Variants in NRG3 observed in about 807,000 individuals in gnomAD.
NRG3 encodes neuregulin 3, also known as pro-neuregulin-3, membrane-bound isoform.
A neutral mutation model predicts 66.9 loss-of-function variants in NRG3; 31 were observed. That is an observed-to-expected ratio of 0.46 (90% confidence interval 0.35 to 0.63). NRG3 has a LOEUF of 0.63. Ranked by LOEUF, NRG3 falls within the 20% of genes least tolerant of loss-of-function variation. NRG3 has a pLI of 0.00. For missense variants in NRG3, 910 were observed against 878.9 expected (o/e 1.04, Z -0.45); for synonymous variants, 393 against 359.4 (o/e 1.09, Z -1.06).
intron 1 of NRG3, among the ~76,000 whole-genome samples, chr10:82,290,122 C>T (rs2079641722): frequency 1.3e-5 from 2 of 152,202 alleles, no homozygotes; most frequent in African/African-American, 2.4e-5. Flanking sequence ...ATTCCTGCTG[C>T]ACCGTCATCC....
intron 1 of NRG3, among the ~76,000 whole-genome samples, chr10:82,094,078 A>G (rs2066193675): frequency 1.3e-5 from 2 of 152,362 alleles, no homozygotes; most frequent in South Asian, 4.1e-4. Context: ...TTTATTGACA[A>G]TGAAACCTTT....
At chr10:82,827,673 A>T (rs751752668) in intron 3 of NRG3, among the ~76,000 whole-genome samples, 1 of 152,180 alleles carries the variant, frequency 6.6e-6, no homozygotes, top group African/African-American at 2.4e-5. Context: ...TTCATAAATC[A>T]ATTTGACCTT....
At chr10:82,796,252 AT>A (rs986243943) in intron 3 of NRG3, among the ~76,000 whole-genome samples, 1 of 152,154 alleles carries the variant, frequency 6.6e-6, no homozygotes, top group African/African-American at 2.4e-5. Flanking sequence ...ACACAACTAG[AT>A]TAGAGAGTAT....
chr10:82,620,776 C>G (rs562442423), intron 2 of NRG3, among the ~76,000 whole-genome samples: 4 of 152,214 alleles, frequency 2.6e-5, no homozygotes, highest in Admixed American at 6.5e-5. Context: ...GACTCACCCA[C>G]CCCTGTCTGC....
chr10:82,483,519 G>C (rs1842450786), intron 2 of NRG3, among the ~76,000 whole-genome samples: 1 of 152,208 alleles, frequency 6.6e-6, no homozygotes, highest in South Asian at 2.1e-4. Context: ...ATGATGTAAA[G>C]TAGGCAATGC....
chr10:82,893,372 A>G (rs1478087805), intron 4 of NRG3, among the ~76,000 whole-genome samples: 1 of 152,218 alleles, frequency 6.6e-6, no homozygotes, highest in East Asian at 1.9e-4. Flanking sequence ...AGTAATGATA[A>G]TGGAAATTAG....
chr10:82,297,370 T>C (rs2080130353), intron 1 of NRG3, among the ~76,000 whole-genome samples: 1 of 152,172 alleles, frequency 6.6e-6, no homozygotes, highest in African/African-American at 2.4e-5. Context: ...TGAGAATACA[T>C]TTAGCAGGGC....
At chr10:82,605,387 AT>A (rs2047905440) in intron 2 of NRG3, among the ~76,000 whole-genome samples, 1 of 151,954 alleles carries the variant, frequency 6.6e-6, no homozygotes, top group Non-Finnish European at 1.5e-5. Flanking sequence ...ACATTAACAG[AT>A]TTTCAAATGT....
chr10:82,388,893 C>T (rs190417200), intron 2 of NRG3, among the ~76,000 whole-genome samples: 2 of 152,202 alleles, frequency 1.3e-5, no homozygotes, highest in East Asian at 1.9e-4. Context: ...TAAATATTTT[C>T]GAATTCTATC....
At chr10:82,287,445 A>G (rs776976147) in intron 1 of NRG3, among the ~76,000 whole-genome samples, 3 of 151,866 alleles carry the variant, frequency 2.0e-5, no homozygotes, top group Non-Finnish European at 4.4e-5. Context: ...TTTGTAAATT[A>G]CCCAGTCTCA....
chr10:82,519,312 C>G (rs1262395934), intron 2 of NRG3, among the ~76,000 whole-genome samples: 2 of 152,156 alleles, frequency 1.3e-5, no homozygotes, highest in African/African-American at 4.8e-5. Context: ...AAAGGTTTCT[C>G]TGTTCTTCAT....
intron 1 of NRG3, among the ~76,000 whole-genome samples, chr10:81,900,172 C>A (rs1001345912): frequency 6.6e-6 from 1 of 152,090 alleles, no homozygotes; most frequent in Non-Finnish European, 1.5e-5. Flanking sequence ...TGGTCTCCAA[C>A]ACCTGACCTC....
At chr10:81,999,757 C>T (rs4933815) in intron 1 of NRG3, among the ~76,000 whole-genome samples, 70,554 of 152,018 alleles carry the variant, frequency 0.46, 20,834 homozygotes, top group African/African-American at 0.8. Context: ...ATAGTTTTAA[C>T]AAATGAGACT....
chr10:82,700,637 C>T (rs1190058949), intron 2 of NRG3, among the ~76,000 whole-genome samples: 1 of 151,976 alleles, frequency 6.6e-6, no homozygotes, highest in African/African-American at 2.4e-5. Flanking sequence ...AGAATCATTT[C>T]TTTTTTTTAA....
At chr10:82,648,243 A>G (rs1459331319) in intron 2 of NRG3, among the ~76,000 whole-genome samples, 3 of 152,096 alleles carry the variant, frequency 2.0e-5, no homozygotes. Context: ...TTTTCCCAGC[A>G]CCATTTATTA....
intron 2 of NRG3, among the ~76,000 whole-genome samples, chr10:82,429,585 G>A (rs1483969024): frequency 6.6e-6 from 1 of 151,924 alleles, no homozygotes; most frequent in Non-Finnish European, 1.5e-5. Context: ...TGACTATGAT[G>A]TATTTGTGTG....
intron 2 of NRG3, among the ~76,000 whole-genome samples, chr10:82,586,250 A>T (rs906215183): frequency 6.6e-6 from 1 of 151,940 alleles, no homozygotes; most frequent in Non-Finnish European, 1.5e-5. Flanking sequence ...TAAAAAAAAA[A>T]AAAACAAGAA....
intron 1 of NRG3, among the ~76,000 whole-genome samples, chr10:82,270,219 G>GGGATTAAGTGT (rs1198827024): frequency 1.3e-5 from 2 of 152,084 alleles, no homozygotes; most frequent in Non-Finnish European, 2.9e-5. Context: ...TGCTGTGGAT[G>GGGATTAAGTGT]GGATTAAGTG....
chr10:81,965,621 C>T (rs2059703103), intron 1 of NRG3, among the ~76,000 whole-genome samples: 1 of 151,868 alleles, frequency 6.6e-6, no homozygotes, highest in Non-Finnish European at 1.5e-5. Flanking sequence ...TAATTTTGTC[C>T]TTGCTCATTA....
Sources: allele counts gnomAD v4.1 joint callset (sites outside exome capture counted in the v4.1 genomes callset), GRCh38; gene constraint gnomAD v4.1.1; transcripts MANE v1.5; gene names NCBI Gene and HGNC (gene_info 2026-07-23, HGNC 2026-07-21).